Variants in ZCWPW2 observed in about 807,000 individuals in gnomAD.
ZCWPW2 encodes zinc finger CW-type PWWP domain protein 2.
ZCWPW2 carries 45 observed loss-of-function variants against 46.6 expected under a neutral mutation model. The observed-to-expected ratio is 0.96, with a 90% CI of 0.76 to 1.24. The LOEUF is 1.24. ZCWPW2 is among the 50% of genes most tolerant of loss of function. ZCWPW2 has a pLI of 0.00. For synonymous variants in ZCWPW2, 152 were observed against 137.1 expected (o/e 1.11, Z -0.76); for missense variants, 429 against 403.9 (o/e 1.06, Z -0.53).
chr3:28,506,818 G>A (rs1446753717), intron 6 of ZCWPW2, among the ~76,000 whole-genome samples: 2 of 152,050 alleles, frequency 1.3e-5, no homozygotes, highest in African/African-American at 4.8e-5. Context: ...TCGGTCATAT[G>A]CTATAAACAA....
At chr3:28,373,037 C>G (rs973891196) in intron 1 of ZCWPW2, among the ~76,000 whole-genome samples, 5 of 152,164 alleles carry the variant, frequency 3.3e-5, no homozygotes, top group African/African-American at 1.2e-4. Flanking sequence ...AGACCCCCTA[C>G]ATTTTCTTTA....
chr3:28,437,185 T>C (rs1170001199), intron 4 of ZCWPW2, among the ~76,000 whole-genome samples: 1 of 152,212 alleles, frequency 6.6e-6, no homozygotes, highest in East Asian at 1.9e-4. Context: ...AGGAGAAGTA[T>C]GTAAATTGTA....
intron 2 of ZCWPW2, among the ~76,000 whole-genome samples, chr3:28,411,550 G>T (rs1003987235): frequency 6.6e-6 from 1 of 151,764 alleles, no homozygotes; most frequent in African/African-American, 2.4e-5. Flanking sequence ...ATGAATATTG[G>T]AACTAAACAA....
At chr3:28,459,804 G>C (rs1698559170) in intron 4 of ZCWPW2, among the ~76,000 whole-genome samples, 1 of 152,124 alleles carries the variant, frequency 6.6e-6, no homozygotes, top group Admixed American at 6.6e-5. Context: ...TGTCACTCCA[G>C]ATAGTGGACA....
intron 1 of ZCWPW2, among the ~76,000 whole-genome samples, chr3:28,357,705 G>A (rs375268745): frequency 6.6e-6 from 1 of 150,866 alleles, no homozygotes; most frequent in African/African-American, 2.4e-5. Flanking sequence ...GACTCTCCTC[G>A]TTCTCTAGCT....
intron 4 of ZCWPW2, among the ~76,000 whole-genome samples, chr3:28,470,140 T>C (rs986554703): frequency 3.3e-5 from 5 of 152,146 alleles, no homozygotes; most frequent in African/African-American, 1.2e-4. Flanking sequence ...GGAAACTATA[T>C]AAACACATGG....
intron 5 of ZCWPW2, among the ~76,000 whole-genome samples, chr3:28,479,624 G>A (rs1305541075): frequency 6.6e-6 from 1 of 152,100 alleles, no homozygotes; most frequent in Non-Finnish European, 1.5e-5. Context: ...CATAACCCAG[G>A]TATTAAGCTT....
chr3:28,447,462 T>TA lies in ZCWPW2; in HGVS notation c.492+12204dup, dbSNP rs548307779. Among the ~76,000 whole-genome samples, 534 of 145,298 alleles carry TA rather than the reference T, an allele frequency of 3.7e-3. 1 individual carries two copies. The highest frequency in any genetic ancestry group is 0.01 in the African/African-American group (416 of 39,792). ...CAAGATGCAACAACCTTTCATGATT[T>TA]AAAAAAAAAAACACTCAACAAACTA... On this transcript the variant is annotated intron_variant, in intron 4 of 9. Coordinates refer to ENST00000383768, the MANE Select transcript of ZCWPW2 (RefSeq NM_001040432.4).
intron 1 of ZCWPW2, among the ~76,000 whole-genome samples, chr3:28,350,746 AAAGG>A (rs1334347592): frequency 6.6e-5 from 10 of 151,880 alleles, no homozygotes; most frequent in Non-Finnish European, 1.3e-4. Flanking sequence ...ATCATGTATT[AAAGG>A]TTTATTATCA....
intron 1 of ZCWPW2, among the ~76,000 whole-genome samples, chr3:28,390,166 A>C (rs991014003): frequency 6.6e-6 from 1 of 152,194 alleles, no homozygotes; most frequent in African/African-American, 2.4e-5. Flanking sequence ...AGGGCAACAC[A>C]ACAAAGAATA....
Position 28,477,881 on chromosome 3 carries a change from T to A in ZCWPW2, c.493-933T>A, listed in dbSNP as rs1043827667. Among the ~76,000 whole-genome samples the A allele has an allele frequency of 6.8e-4, 104 of 152,242 alleles. 2 individuals carry two copies. Among genetic ancestry groups the A allele is most frequent in the African/African-American group, 2.3e-3 (97 of 41,560 alleles). ...ATAACATTTAAAAACATTATAAAAA[T>A]CCTTTTTGCTGAGTTTTAAAATAAC... On this transcript the variant is annotated intron_variant, in intron 4 of 9. Transcript: ENST00000383768.
chr3:28,360,349 C>CAAAAAAAAAAAAAAAAAA (rs71087692), intron 1 of ZCWPW2, among the ~76,000 whole-genome samples: 2 of 53,926 alleles, frequency 3.7e-5, no homozygotes, highest in Non-Finnish European at 6.7e-5. Flanking sequence ...ACTAAAAATA[C>CAAAAAAAAAAAAAAAAAA]AAAAAAAAAA....
At chr3:28,470,450 C>T (rs1439726238) in intron 4 of ZCWPW2, among the ~76,000 whole-genome samples, 3 of 146,886 alleles carry the variant, frequency 2.0e-5, no homozygotes, top group African/African-American at 7.6e-5. Context: ...GCCGAGATCG[C>T]GTCACAGCAC....
intron 6 of ZCWPW2, among the ~76,000 whole-genome samples, chr3:28,511,944 A>G (rs977287207): frequency 6.6e-6 from 1 of 152,068 alleles, no homozygotes; most frequent in East Asian, 1.9e-4. Context: ...TTTCATAATC[A>G]TGGAAATCAA....
intron 5 of ZCWPW2, among the ~76,000 whole-genome samples, chr3:28,491,674 A>C (rs917316591): frequency 2.6e-5 from 4 of 152,058 alleles, no homozygotes; most frequent in Non-Finnish European, 5.9e-5. Context: ...TGAAGTGAGG[A>C]GGGACTGCGT....
intron 1 of ZCWPW2, among the ~76,000 whole-genome samples, chr3:28,375,934 T>C (rs551095617): frequency 6.6e-6 from 1 of 150,956 alleles, no homozygotes; most frequent in East Asian, 2.0e-4. Flanking sequence ...AATAACATAA[T>C]GTCCAGTTCC....
At chr3:28,471,274 G>A (rs1699032173) in intron 4 of ZCWPW2, among the ~76,000 whole-genome samples, 1 of 152,004 alleles carries the variant, frequency 6.6e-6, no homozygotes, top group African/African-American at 2.4e-5. Flanking sequence ...TATTACTCTG[G>A]TACCAAAACC....
At chr3:28,447,007 G>C (rs1385131628) in intron 4 of ZCWPW2, among the ~76,000 whole-genome samples, 2 of 152,130 alleles carry the variant, frequency 1.3e-5, no homozygotes, top group Non-Finnish European at 2.9e-5. Context: ...CTAGTAATGA[G>C]ATTGAATTAG....
At chr3:28,498,757 G>A (rs931335402) in intron 6 of ZCWPW2, among the ~76,000 whole-genome samples, 3 of 151,516 alleles carry the variant, frequency 2.0e-5, no homozygotes, top group East Asian at 3.9e-4. Flanking sequence ...CCATCAACCC[G>A]TCATCTACAT....
Sources: allele counts gnomAD v4.1 joint callset (sites outside exome capture counted in the v4.1 genomes callset), GRCh38; gene constraint gnomAD v4.1.1; transcripts MANE v1.5; gene names NCBI Gene and HGNC (gene_info 2026-07-23, HGNC 2026-07-21).